The following LIMK2 variants were observed in gnomAD, a reference collection of about 807,000 sequenced individuals.
LIMK2 encodes the protein LIM domain kinase 2.
Under a neutral mutation model 75.7 loss-of-function variants are expected in LIMK2, and 35 were observed. The observed-to-expected ratio is 0.46, with a 90% CI of 0.35 to 0.61. LIMK2 has a LOEUF of 0.61. Among genes scored for constraint, LIMK2 ranks in the 20% least tolerant of loss-of-function variants. LIMK2 has a pLI of 0.00. For synonymous variants in LIMK2, 301 were observed against 319.2 expected (o/e 0.94, Z 0.61); for missense variants, 623 against 831.0 (o/e 0.75, Z 3.08).
chr22:31,277,289 G>A (rs1353633551), intron 15 of LIMK2: 2 of 1,473,758 alleles, frequency 1.4e-6, no homozygotes, highest in Non-Finnish European at 1.8e-6. Context: ...CTCTTCCCCT[G>A]CCCCCTCAGT....
At chr22:31,247,837 A>C (rs1167398486) in intron 2 of LIMK2, among the ~76,000 whole-genome samples, 1 of 152,244 alleles carries the variant, frequency 6.6e-6, no homozygotes, top group Middle Eastern at 3.4e-3. Context: ...CCTTATTTGC[A>C]ACACAGCCCT....
intron 3 of LIMK2, chr22:31,258,710 G>T (rs2123834860): frequency 2.3e-6 from 1 of 435,022 alleles, no homozygotes; most frequent in East Asian, 4.0e-5. Flanking sequence ...AGTGTTACAG[G>T]CTGAGAGGAG....
At chr22:31,277,949 T>C (rs1481658367) in intron 15 of LIMK2, among the ~76,000 whole-genome samples, 3 of 152,142 alleles carry the variant, frequency 2.0e-5, no homozygotes, top group African/African-American at 7.2e-5. Context: ...CTGAGCTGTC[T>C]TAGGCTTCCG....
chr22:31,256,829 T>C (rs1601428549), intron 2 of LIMK2, among the ~76,000 whole-genome samples: 1 of 151,974 alleles, frequency 6.6e-6, no homozygotes, highest in Admixed American at 6.6e-5. Context: ...CTGTGGAAGG[T>C]GCAAGGCCTT....
intron 2 of LIMK2, among the ~76,000 whole-genome samples, chr22:31,257,285 A>G (rs1212362514): frequency 6.6e-6 from 1 of 152,152 alleles, no homozygotes; most frequent in African/African-American, 2.4e-5. Flanking sequence ...TCAAATATAT[A>G]GAAAAGTTGA....
intron 14 of LIMK2, among the ~76,000 whole-genome samples, chr22:31,274,268 G>C (rs865802531): frequency 6.6e-6 from 1 of 152,170 alleles, no homozygotes; most frequent in Non-Finnish European, 1.5e-5. Context: ...ACCTTTAGGA[G>C]TTTAGTCAGG....
chr22:31,264,419 C>T (rs574865906), intron 7 of LIMK2, among the ~76,000 whole-genome samples: 35 of 152,318 alleles, frequency 2.3e-4, no homozygotes, highest in South Asian at 6.2e-4. Context: ...AGAGAAAGTT[C>T]GCAGGGCTGT....
At chr22:31,258,661 G>T (rs2048809096) in intron 3 of LIMK2, 2 of 512,304 alleles carry the variant, frequency 3.9e-6, no homozygotes, top group Admixed American at 6.5e-5. Context: ...GGCAGGCAGA[G>T]AGGAGACACA....
intron 2 of LIMK2, among the ~76,000 whole-genome samples, chr22:31,247,074 A>T (rs1010787416): frequency 2.0e-5 from 3 of 152,200 alleles, no homozygotes; most frequent in Non-Finnish European, 4.4e-5. Context: ...CCCATCTACC[A>T]TCTTTATCAG....
In LIMK2 at chr22:31,275,167, A is replaced by G. The variant is rs941930668; in HGVS notation, c.1631A>G (p.Tyr544Cys). Residue 544 changes from tyrosine to cysteine, a missense_variant, in exon 15 of 16, where the codon TAT (tyrosine) becomes TGT (cysteine). This residue lies in a region of LIMK2 where 63 missense variants were observed against 122.8 expected (regional missense o/e 0.51). Coordinates refer to ENST00000331728, the MANE Select transcript of LIMK2 (RefSeq NM_005569.4). ...ACCCTACAGATCATTGGGCAGGTGT[A>G]TGCAGATCCTGACTGCCTTCCCCGA... ...IVLCEIIGQVYADPDCLPRTL... is the reference protein window; with the variant it reads ...IVLCEIIGQVCADPDCLPRTL... The G allele has an allele frequency of 2.0e-5, 33 of 1,614,068 alleles. No homozygotes were observed. The highest frequency in any genetic ancestry group is 2.8e-5 in the Non-Finnish European group (33 of 1,180,038).
chr22:31,274,264 A>T (rs1354361091), intron 14 of LIMK2, among the ~76,000 whole-genome samples: 5 of 152,150 alleles, frequency 3.3e-5, no homozygotes, highest in African/African-American at 1.2e-4. Context: ...TCCTACCTTT[A>T]GGAGTTTAGT....
chr22:31,251,858 T>C (rs2048727850), intron 2 of LIMK2, among the ~76,000 whole-genome samples: 1 of 152,108 alleles, frequency 6.6e-6, no homozygotes, highest in Admixed American at 6.5e-5. Context: ...GTTGTGGTGC[T>C]CTCCAGGTGC....
In LIMK2 at chr22:31,218,435, GTC is replaced by G. The variant is rs1219658776; in HGVS notation, c.16+6016_16+6017del. Reference sequence around the variant, plus strand: ...AGGAGAGGCCCTTGGTTTGGTGTCAGTCTCTCAGAGCTGGAAGAAATCACTTG... The same window carrying G: ...AGGAGAGGCCCTTGGTTTGGTGTCAGTCTCAGAGCTGGAAGAAATCACTTG... On this transcript the variant is annotated intron_variant, in intron 1 of 15. Transcript: ENST00000331728. Among the ~76,000 whole-genome samples, 3 of 152,324 alleles carry G rather than the reference GTC, an allele frequency of 2.0e-5. No individual in the cohort carries two copies. In the East Asian group the frequency reaches 5.8e-4, roughly 29 times the overall value.
At chr22:31,237,022 G>T (rs1018819782) in intron 2 of LIMK2, among the ~76,000 whole-genome samples, 1 of 151,942 alleles carries the variant, frequency 6.6e-6, no homozygotes, top group African/African-American at 2.4e-5. Flanking sequence ...AGCACTTTGG[G>T]AGGCCGAGGG....
chr22:31,271,270 G>C, intron 12 of LIMK2, 69 bp downstream of exon 12: 1 of 1,382,698 alleles, frequency 7.2e-7, no homozygotes, highest in Non-Finnish European at 1.0e-6. Flanking sequence ...CACAAAGGAG[G>C]CTGACTTGTC....
At chr22:31,257,846 T>A (rs893483277) in intron 2 of LIMK2, among the ~76,000 whole-genome samples, 13 of 152,032 alleles carry the variant, frequency 8.6e-5, no homozygotes, top group African/African-American at 2.7e-4. Context: ...TTTTGAAGAG[T>A]GGAGATGATT....
chr22:31,243,473 G>A (rs2048640913), intron 2 of LIMK2, among the ~76,000 whole-genome samples: 3 of 152,298 alleles, frequency 2.0e-5, no homozygotes, highest in South Asian at 4.1e-4. Context: ...AAAGGTTGGG[G>A]TGATTCATTC....
At chr22:31,241,035 A>G (rs1427404752) in intron 2 of LIMK2, among the ~76,000 whole-genome samples, 2 of 152,204 alleles carry the variant, frequency 1.3e-5, no homozygotes, top group African/African-American at 2.4e-5. Flanking sequence ...CACTTAGGAA[A>G]AAGAAAAGCA....
chr22:31,240,136 T>A (rs1416316205), intron 2 of LIMK2, among the ~76,000 whole-genome samples: 1 of 152,208 alleles, frequency 6.6e-6, no homozygotes, highest in Admixed American at 6.5e-5. Flanking sequence ...TAACAAATTC[T>A]TTCTCCATAC....
Sources: gnomAD v4.1 joint callset for allele counts (sites outside exome capture counted in the v4.1 genomes callset) on GRCh38, gnomAD v4.1.1 for gene constraint, gnomAD v4.1.1 regional missense constraint, MANE v1.5 for transcripts, NCBI Gene and HGNC (gene_info 2026-07-23, HGNC 2026-07-21) for gene names.